The following KIAA1671 variants were observed in gnomAD, a reference collection of about 807,000 sequenced individuals.
The protein encoded by KIAA1671 is uncharacterized protein KIAA1671.
KIAA1671 carries 52 observed loss-of-function variants against 131.2 expected under a neutral mutation model. The ratio of observed to expected loss-of-function variants is 0.40; its 90% CI spans 0.32 to 0.50. KIAA1671 has a LOEUF of 0.50. Ranked by LOEUF, KIAA1671 falls within the 20% of genes least tolerant of loss-of-function variation. The pLI is 0.73. For synonymous variants in KIAA1671, 1,003 were observed against 961.6 expected, an observed-to-expected ratio of 1.04 and a Z score of -0.80; for missense variants, 2,360 against 2,364.2, an observed-to-expected ratio of 1.00 and a Z score of 0.04.
chr22:25,043,933 G>A (rs1273490343), intron 5 of KIAA1671, among the ~76,000 whole-genome samples: 2 of 152,134 alleles, frequency 1.3e-5, no homozygotes, highest in African/African-American at 4.8e-5. Flanking sequence ...CCCTGCACCC[G>A]AGTTTTCTTG....
intron 6 of KIAA1671, among the ~76,000 whole-genome samples, chr22:25,066,677 C>T (rs1169196279): frequency 7.2e-5 from 11 of 152,198 alleles, no homozygotes; most frequent in African/African-American, 2.4e-4. Context: ...CAAATATGGT[C>T]GCATTTGCAG....
chr22:25,187,225 G>A (rs919861347), intron 11 of KIAA1671, among the ~76,000 whole-genome samples: 2 of 152,216 alleles, frequency 1.3e-5, no homozygotes, highest in African/African-American at 2.4e-5. Flanking sequence ...GTCACGTCCT[G>A]TGTGCATGTG....
intron 11 of KIAA1671, among the ~76,000 whole-genome samples, chr22:25,189,125 TC>T (rs370022665): frequency 3.5e-5 from 5 of 141,656 alleles, no homozygotes; most frequent in African/African-American, 1.5e-4. Context: ...CCAGTCTTTT[TC>T]TTTTTTTTTT....
At chr22:25,184,288 CT>C (rs1019823084) in intron 10 of KIAA1671, among the ~76,000 whole-genome samples, 5 of 152,190 alleles carry the variant, frequency 3.3e-5, no homozygotes, top group Non-Finnish European at 7.3e-5. Flanking sequence ...AGGATCTGCC[CT>C]AAAAGAATCA....
chr22:25,067,261 C>A (rs1183225549), intron 6 of KIAA1671, among the ~76,000 whole-genome samples: 3 of 150,830 alleles, frequency 2.0e-5, no homozygotes, highest in Non-Finnish European at 4.4e-5. Context: ...TTGGACTCGC[C>A]GGGTCTTGGA....
intron 6 of KIAA1671, among the ~76,000 whole-genome samples, chr22:25,078,169 T>G (rs1238855593): frequency 6.6e-6 from 1 of 152,176 alleles, no homozygotes; most frequent in Non-Finnish European, 1.5e-5. Flanking sequence ...GGAGGTTGCT[T>G]GTGTGTTTAC....
intron 11 of KIAA1671, among the ~76,000 whole-genome samples, chr22:25,187,788 G>A (rs531240972): frequency 3.9e-5 from 6 of 152,266 alleles, no homozygotes; most frequent in South Asian, 4.1e-4. Context: ...ATGAGCTACC[G>A]TGCCTGGCCT....
chr22:25,109,571 T>C (rs561714062), intron 6 of KIAA1671, among the ~76,000 whole-genome samples: 1 of 152,362 alleles, frequency 6.6e-6, no homozygotes, highest in East Asian at 1.9e-4. Context: ...AGGACATCTA[T>C]CAGCCATAAC....
intron 6 of KIAA1671, among the ~76,000 whole-genome samples, chr22:25,156,438 CAT>C (rs1231645751): frequency 4.6e-5 from 7 of 151,266 alleles, no homozygotes; most frequent in South Asian, 2.1e-4. Context: ...TATATGTGTG[CAT>C]ATGTGTTTGT....
intron 6 of KIAA1671, among the ~76,000 whole-genome samples, chr22:25,169,143 T>C (rs1305674736): frequency 6.6e-6 from 1 of 152,066 alleles, no homozygotes; most frequent in African/African-American, 2.4e-5. Flanking sequence ...CTGGGCGTGG[T>C]GCCTCACCAT....
At position 25,195,916 on chromosome 22, in the gene KIAA1671, A is replaced by G. The variant is rs3747121; in HGVS notation, c.*3515A>G. 49,552 of 151,898 alleles carry G rather than the reference A, an allele frequency of 0.33. 8,483 individuals are homozygous for G. Among genetic ancestry groups the G allele is most frequent in the East Asian group, 0.47 (2,420 of 5,134 alleles). 9.4% of individuals were successfully genotyped at this position (151,898 alleles called of 1,614,324 possible). A position where few individuals can be genotyped will look rare whatever the true frequency, so the allele number is the denominator to read the frequency against. On this transcript the variant is annotated 3_prime_UTR_variant, in exon 13 of 13. Coordinates refer to ENST00000358431, the MANE Select transcript of KIAA1671 (RefSeq NM_001145206.2). ...AACACAAAAGCCGAAGTTCCATGGC[A>G]TCATGATTCCGAGGGGCTGGAGGGA... is the stretch of plus-strand genomic sequence containing the variant.
chr22:24,983,813 T>G (rs1340818764), intron 1 of KIAA1671, among the ~76,000 whole-genome samples: 1 of 150,450 alleles, frequency 6.6e-6, no homozygotes, highest in African/African-American at 2.4e-5. Flanking sequence ...AGTTTCACTC[T>G]TGTTGCCCAG....
chr22:25,075,638 C>T (rs554419334), intron 6 of KIAA1671, among the ~76,000 whole-genome samples: 9 of 151,478 alleles, frequency 5.9e-5, no homozygotes, highest in African/African-American at 1.5e-4. Flanking sequence ...ACTACAGGCA[C>T]GTGCTACCAC....
chr22:25,181,792 C>A lies in KIAA1671; in HGVS notation c.5168C>A (p.Ala1723Glu). The A allele has an allele frequency of 1.3e-6, 2 of 1,551,472 alleles. No homozygotes were observed. Among genetic ancestry groups the A allele is most frequent in the Non-Finnish European group, 1.7e-6 (2 of 1,146,848 alleles). The change falls in exon 10 of 13, where the codon GCG becomes GAG. Residue 1723 changes from alanine to glutamate, a missense_variant. Transcript: ENST00000358431. ...GTCAGCCATCCTCAGAGGATGCCTG[C>A]GTTTCCAGGCATGGATCCGGCAGTG... ...TPVSHPQRMPAFPGMDPAVLK... is the reference protein window; with the variant it reads ...TPVSHPQRMPEFPGMDPAVLK...
rs191177656 is a variant in KIAA1671 at position 25,069,735 on chromosome 22, G to A, written c.4530+20371G>A. On this transcript the variant is annotated intron_variant, in intron 6 of 12. Coordinates refer to ENST00000358431, the MANE Select transcript of KIAA1671 (RefSeq NM_001145206.2). ...AACATGACTGACATCAAAGGAGCCCGGTAAACCAATGGGATCCTGAGTTGA... is the reference window on the plus strand; with the variant it reads ...AACATGACTGACATCAAAGGAGCCCAGTAAACCAATGGGATCCTGAGTTGA... Among the ~76,000 whole-genome samples the A allele has an allele frequency of 1.1e-4, 17 of 152,304 alleles. No individual in the cohort carries two copies. In the East Asian group the frequency reaches 2.9e-3, roughly 26 times the overall value.
chr22:25,162,435 A>T (rs904657769), intron 6 of KIAA1671, among the ~76,000 whole-genome samples: 1 of 152,128 alleles, frequency 6.6e-6, no homozygotes. Context: ...CACTGCCCTG[A>T]CTCAGGGTTC....
At chr22:25,009,121 C>T (rs1167316469) in intron 1 of KIAA1671, among the ~76,000 whole-genome samples, 6 of 152,072 alleles carry the variant, frequency 3.9e-5, no homozygotes, top group Non-Finnish European at 5.9e-5. Context: ...GTGCTGTGGA[C>T]AGAGATGGAC....
intron 6 of KIAA1671, among the ~76,000 whole-genome samples, chr22:25,168,086 G>A (rs1008403920): frequency 1.3e-5 from 2 of 152,214 alleles, no homozygotes; most frequent in African/African-American, 4.8e-5. Flanking sequence ...TCTCGGCTCA[G>A]TGTGGTTCCA....
chr22:25,027,267 A>G (rs1243323951), intron 2 of KIAA1671, among the ~76,000 whole-genome samples: 7 of 152,080 alleles, frequency 4.6e-5, no homozygotes, highest in African/African-American at 1.7e-4. Flanking sequence ...GGACAAAGGG[A>G]TGATTGGGTG....
Sources: gnomAD v4.1 joint callset for allele counts (sites outside exome capture counted in the v4.1 genomes callset) on GRCh38, gnomAD v4.1.1 for gene constraint, MANE v1.5 for transcripts, NCBI Gene and HGNC (gene_info 2026-07-23, HGNC 2026-07-21) for gene names.